TLL1: variants seen among roughly 807,000 people sequenced by gnomAD.
TLL1 encodes tolloid-like protein 1.
TLL1 carries 49 observed loss-of-function variants against 128.2 expected under a neutral mutation model. The ratio of observed to expected loss-of-function variants is 0.38; its 90% confidence interval spans 0.30 to 0.48. The LOEUF (loss-of-function observed/expected upper bound fraction) is 0.48. Ranked by LOEUF, TLL1 falls within the 20% of genes least tolerant of loss-of-function variation. TLL1 has a pLI of 0.96. For missense variants in TLL1, 1,123 were observed against 1,242.0 expected (o/e 0.90, Z 1.44); for synonymous variants, 454 against 418.8 (o/e 1.08, Z -1.03).
intron 9 of TLL1, among the ~76,000 whole-genome samples, chr4:166,034,990 C>T (rs1474687110): frequency 1.3e-5 from 2 of 152,184 alleles, no homozygotes; most frequent in Non-Finnish European, 2.9e-5. Flanking sequence ...GCCCTTTTAT[C>T]AGGGCACTAA....
At chr4:166,039,501 C>T (rs540195730) in intron 10 of TLL1, 60 bp downstream of exon 10, 1 of 1,208,768 alleles carries the variant, frequency 8.3e-7, no homozygotes, top group African/African-American at 1.5e-5. Context: ...CCAAAAAAAC[C>T]AACCGATTCT....
chr4:166,020,773 T>C (rs1287226557), intron 8 of TLL1, among the ~76,000 whole-genome samples: 4 of 152,228 alleles, frequency 2.6e-5, no homozygotes, highest in Non-Finnish European at 5.9e-5. Context: ...TCCTTAATTA[T>C]GTCAAGTAAC....
chr4:165,931,525 G>A (rs949522979), intron 1 of TLL1, among the ~76,000 whole-genome samples: 2 of 151,526 alleles, frequency 1.3e-5, no homozygotes, highest in Admixed American at 1.3e-4. Flanking sequence ...GAGACCTCCT[G>A]GCCAACACGG....
chr4:166,100,922 G>A lies in TLL1; in HGVS notation c.*46G>A. On this transcript the variant is annotated 3_prime_UTR_variant, in exon 21 of 21. Coordinates refer to ENST00000061240, the MANE Select transcript of TLL1 (RefSeq NM_012464.5). Reference sequence around the variant, plus strand: ...CACAAAGGAATGTGCATAATGGAGAGAAGACATATTTTTTTTAAAACTGAA... The same window carrying A: ...CACAAAGGAATGTGCATAATGGAGAAAAGACATATTTTTTTTAAAACTGAA... The A allele has an allele frequency of 6.2e-7, 1 of 1,605,170 alleles. No homozygotes were observed.
At chr4:165,874,859 C>G (rs1354278772) in intron 1 of TLL1, 1 of 152,358 alleles carries the variant, frequency 6.6e-6, no homozygotes, top group Non-Finnish European at 1.5e-5. Context: ...GCCAGCCTCT[C>G]GCGCGCGCGG....
chr4:166,075,647 G>A (rs7664119), intron 17 of TLL1, among the ~76,000 whole-genome samples: 55,660 of 151,918 alleles, frequency 0.37, 10,406 homozygotes, highest in African/African-American at 0.43. Flanking sequence ...ACAATAAATA[G>A]TTATTCAGCT....
chr4:166,021,688 C>T (rs1430610308), intron 8 of TLL1, among the ~76,000 whole-genome samples: 1 of 152,142 alleles, frequency 6.6e-6, no homozygotes, highest in Non-Finnish European at 1.5e-5. Flanking sequence ...GCCTCGGCCT[C>T]GCAAACTGCT....
At chr4:166,034,759 G>T (rs1579652503) in intron 9 of TLL1, among the ~76,000 whole-genome samples, 1 of 152,124 alleles carries the variant, frequency 6.6e-6, no homozygotes, top group East Asian at 1.9e-4. Flanking sequence ...AGAAGTCTGA[G>T]TCCATTAATG....
At chr4:166,088,237 T>C (rs1276773004) in intron 18 of TLL1, among the ~76,000 whole-genome samples, 1 of 152,104 alleles carries the variant, frequency 6.6e-6, no homozygotes, top group Non-Finnish European at 1.5e-5. Flanking sequence ...CATTGGTTCC[T>C]GGTGGTTGGA....
intron 1 of TLL1, among the ~76,000 whole-genome samples, chr4:165,915,839 C>T (rs1290404677): frequency 6.6e-6 from 1 of 152,118 alleles, no homozygotes; most frequent in Non-Finnish European, 1.5e-5. Flanking sequence ...TGGTAACTGG[C>T]CATAATGTAT....
At chr4:166,039,079 G>C (rs186487426) in intron 9 of TLL1, among the ~76,000 whole-genome samples, 197 of 151,860 alleles carry the variant, frequency 1.3e-3, no homozygotes, top group Non-Finnish European at 7.2e-4. Flanking sequence ...GAAACTTTTT[G>C]TTAATTGCTA....
At position 165,873,673 on chromosome 4, in the gene TLL1, C is replaced by T. The variant is rs904538029; in HGVS notation, c.-232C>T. On this transcript the variant is annotated 5_prime_UTR_variant, in exon 1 of 21. Coordinates refer to ENST00000061240, the MANE Select transcript of TLL1 (RefSeq NM_012464.5). ...GAGTTCCTTACCTGCCCTCCGCCCACCCGTGGGCCCCTAGCCAACTTCTCC... is the reference window on the plus strand; with the variant it reads ...GAGTTCCTTACCTGCCCTCCGCCCATCCGTGGGCCCCTAGCCAACTTCTCC... The T allele has an allele frequency of 5.7e-6, 3 of 524,322 alleles. No individual in the cohort carries two copies. Among genetic ancestry groups the T allele is most frequent in the South Asian group, 5.0e-5 (2 of 39,694 alleles). 32.5% of individuals were successfully genotyped at this position (524,322 alleles called of 1,614,324 possible).
At position 166,085,439 on chromosome 4, in the gene TLL1, T is replaced by C. The variant is rs187312632; in HGVS notation, c.2443-5689T>C. ...TTGTCATACATAGTCTTTATTGTGTTGTTGCACATTCTTTATATGCCTAAT... is the reference window on the plus strand; with the variant it reads ...TTGTCATACATAGTCTTTATTGTGTCGTTGCACATTCTTTATATGCCTAAT... On this transcript the variant is annotated intron_variant, in intron 18 of 20. Transcript: ENST00000061240. 1.0e-3 allele frequency among the ~76,000 whole-genome samples: 152 copies of C among 151,746 alleles called. 1 individual carries two copies. Among genetic ancestry groups the C allele is most frequent in the African/African-American group, 3.6e-3 (148 of 41,348 alleles).
intron 1 of TLL1, among the ~76,000 whole-genome samples, chr4:165,910,147 C>T (rs750830978): frequency 6.6e-6 from 1 of 152,044 alleles, no homozygotes; most frequent in Admixed American, 6.6e-5. Context: ...GTTTCACTTT[C>T]GGAAAGCCTG....
intron 1 of TLL1, among the ~76,000 whole-genome samples, chr4:165,956,400 C>T (rs1297015086): frequency 6.6e-6 from 1 of 151,980 alleles, no homozygotes; most frequent in East Asian, 1.9e-4. Flanking sequence ...CCCAGAGCGG[C>T]CGTTTATAGA....
At chr4:165,994,637 G>C (rs986227279) in intron 4 of TLL1, 104 bp downstream of exon 4, 11 of 1,386,696 alleles carry the variant, frequency 7.9e-6, no homozygotes, top group Non-Finnish European at 9.9e-6. Flanking sequence ...ATAGTATTAA[G>C]TCAAGGTTGG....
chr4:165,874,412 C>G (rs1263377109), intron 1 of TLL1, among the ~76,000 whole-genome samples: 1 of 152,204 alleles, frequency 6.6e-6, no homozygotes, highest in African/African-American at 2.4e-5. Context: ...AATTCCAACA[C>G]TCAGCGGGCT....
At chr4:166,067,563 C>T (rs1411143839) in intron 16 of TLL1, among the ~76,000 whole-genome samples, 1 of 151,630 alleles carries the variant, frequency 6.6e-6, no homozygotes, top group Admixed American at 6.6e-5. Flanking sequence ...CTTGGTAGTA[C>T]TTGAGCCAAT....
Position 165,967,461 on chromosome 4 carries a change from C to T in TLL1, c.170-21920C>T, listed in dbSNP as rs1023412396. Among the ~76,000 whole-genome samples the T allele has an allele frequency of 1.3e-5, 2 of 152,138 alleles. 1 individual carries two copies. Among genetic ancestry groups the T allele is most frequent in the East Asian group, 3.8e-4 (2 of 5,198 alleles). On this transcript the variant is annotated intron_variant, in intron 1 of 20. Transcript: ENST00000061240. ...GTTCAGAGATTGCAATAAAGACAGG[C>T]ATAAGAAATTATAAAAATATTAATT... is the stretch of plus-strand genomic sequence containing the variant.
Sources: allele counts gnomAD v4.1 joint callset (sites outside exome capture counted in the v4.1 genomes callset), GRCh38; gene constraint gnomAD v4.1.1; transcripts MANE v1.5; gene names NCBI Gene and HGNC (gene_info 2026-07-23, HGNC 2026-07-21).